RSU1: variants seen among roughly 807,000 people sequenced by gnomAD.
The protein encoded by RSU1 is Ras suppressor protein 1.
In RSU1, 26 loss-of-function variants were observed where a neutral mutation model predicts 31.1. The ratio of observed to expected loss-of-function variants is 0.84; its 90% CI spans 0.61 to 1.16. The LOEUF (loss-of-function observed/expected upper bound fraction) is 1.16. Among genes scored for constraint, RSU1 ranks in the 50% most tolerant of loss-of-function variants. RSU1 has a pLI of 0.00. For missense variants in RSU1, 320 were observed against 339.1 expected (o/e 0.94, Z 0.44); for synonymous variants, 164 against 136.3 (o/e 1.20, Z -1.41).
At chr10:16,809,993 G>C (rs11254212) in intron 2 of RSU1, among the ~76,000 whole-genome samples, 8,024 of 148,700 alleles carry the variant, frequency 0.054, 529 homozygotes, top group East Asian at 0.29. Context: ...GGCCGGGGGT[G>C]GGGGGGGGAG....
chr10:16,812,171 G>A (rs1838422537), intron 2 of RSU1, among the ~76,000 whole-genome samples: 1 of 152,262 alleles, frequency 6.6e-6, no homozygotes, highest in African/African-American at 2.4e-5. Context: ...GCCGGGCACA[G>A]TGGCTCACGC....
chr10:16,627,341 G>A (rs1834175849), intron 8 of RSU1, among the ~76,000 whole-genome samples: 1 of 152,204 alleles, frequency 6.6e-6, no homozygotes, highest in African/African-American at 2.4e-5. Flanking sequence ...ACAATTACGT[G>A]TAGAGTAGGT....
Position 16,659,205 on chromosome 10 carries a change from T to G in RSU1, c.731+35818A>C, listed in dbSNP as rs1319373857. Among the ~76,000 whole-genome samples, 11 of 152,274 alleles carry G rather than the reference T, an allele frequency of 7.2e-5. No homozygotes were observed. The East Asian group carries it at 2.1e-3, about 29-fold the overall frequency. On this transcript the variant is annotated intron_variant, in intron 8 of 8. Transcript: ENST00000345264. ...TGGTATCCTTTGATAAAGAGAAAGT[T>G]CATTTTAATGTAGTTGAATTTATTA...
chr10:16,747,632 C>T (rs914945918), intron 7 of RSU1, among the ~76,000 whole-genome samples: 1 of 152,192 alleles, frequency 6.6e-6, no homozygotes, highest in African/African-American at 2.4e-5. Flanking sequence ...GCATCTACTC[C>T]CACCAGGATT....
chr10:16,600,284 C>CCAG (rs1833696026), intron 8 of RSU1, among the ~76,000 whole-genome samples: 1 of 152,022 alleles, frequency 6.6e-6, no homozygotes, highest in South Asian at 2.1e-4. Flanking sequence ...AGCTGCCACC[C>CCAG]CAGGAACCCC....
intron 8 of RSU1, among the ~76,000 whole-genome samples, chr10:16,621,867 A>T (rs186729497): frequency 1.3e-3 from 192 of 152,306 alleles, no homozygotes; most frequent in African/African-American, 4.2e-3. Context: ...AACCATATCA[A>T]TGACTATGTA....
At chr10:16,731,158 T>C (rs1251466887) in intron 7 of RSU1, among the ~76,000 whole-genome samples, 1 of 152,186 alleles carries the variant, frequency 6.6e-6, no homozygotes, top group Non-Finnish European at 1.5e-5. Context: ...TATTCTCGTG[T>C]CATTTTATGT....
intron 8 of RSU1, among the ~76,000 whole-genome samples, chr10:16,666,898 A>G (rs1023999216): frequency 5.3e-5 from 8 of 152,154 alleles, no homozygotes; most frequent in African/African-American, 1.2e-4. Flanking sequence ...CTAAAGCAGG[A>G]GAACTGCTTG....
chr10:16,779,039 T>C (rs1588529632), intron 3 of RSU1, among the ~76,000 whole-genome samples: 1 of 152,216 alleles, frequency 6.6e-6, no homozygotes, highest in South Asian at 2.1e-4. Flanking sequence ...TGCCCATTCA[T>C]AGCAAAAAGG....
In RSU1 at chr10:16,716,134, T is replaced by G. The variant is rs997452229; in HGVS notation, c.599-20979A>C. Reference sequence around the variant, plus strand: ...TTGATGAAAATCATCACACAGAGATTATGGAAACTGAAACTATCTCAGAAA... The same window carrying G: ...TTGATGAAAATCATCACACAGAGATGATGGAAACTGAAACTATCTCAGAAA... On this transcript the variant is annotated intron_variant, in intron 7 of 8. Coordinates refer to ENST00000345264, the MANE Select transcript of RSU1 (RefSeq NM_012425.4). Among the ~76,000 whole-genome samples the G allele has an allele frequency of 1.3e-5, 2 of 152,112 alleles. 1 individual carries two copies. Among genetic ancestry groups the G allele is most frequent in the South Asian group, 4.1e-4 (2 of 4,830 alleles).
intron 7 of RSU1, among the ~76,000 whole-genome samples, chr10:16,725,637 G>T (rs1836378370): frequency 6.6e-6 from 1 of 151,716 alleles, no homozygotes; most frequent in Admixed American, 6.6e-5. Flanking sequence ...TCTGTCATGG[G>T]AGGACACAGC....
chr10:16,817,231 G>A (rs1373014256), intron 1 of RSU1, 84 bp downstream of exon 1: 1 of 468,474 alleles, frequency 2.1e-6, no homozygotes, highest in Non-Finnish European at 3.6e-6. Flanking sequence ...CCGGGTGCGG[G>A]GAGGGGATGG....
chr10:16,615,521 G>A (rs547850795), intron 8 of RSU1, among the ~76,000 whole-genome samples: 1 of 152,248 alleles, frequency 6.6e-6, no homozygotes, highest in South Asian at 2.1e-4. Flanking sequence ...ACTCAGCTCT[G>A]GATTAAGTGC....
At chr10:16,614,781 G>A (rs1833947973) in intron 8 of RSU1, among the ~76,000 whole-genome samples, 1 of 152,060 alleles carries the variant, frequency 6.6e-6, no homozygotes, top group South Asian at 2.1e-4. Flanking sequence ...CTAAGGAATA[G>A]ATCACCATGC....
chr10:16,737,106 T>G (rs1836642996), intron 7 of RSU1, among the ~76,000 whole-genome samples: 2 of 151,870 alleles, frequency 1.3e-5, no homozygotes, highest in Non-Finnish European at 2.9e-5. Context: ...AGATATCAAG[T>G]GATCTAACAC....
At chr10:16,675,200 C>CAA (rs4012468) in intron 8 of RSU1, among the ~76,000 whole-genome samples, 42,687 of 94,894 alleles carry the variant, frequency 0.45, 8,378 homozygotes, top group East Asian at 0.71. Flanking sequence ...GACTCTGTCT[C>CAA]AAAAAAAAAA....
chr10:16,708,674 A>G (rs1279805526), intron 7 of RSU1, among the ~76,000 whole-genome samples: 1 of 152,112 alleles, frequency 6.6e-6, no homozygotes, highest in Non-Finnish European at 1.5e-5. Flanking sequence ...TTTAGGTAAT[A>G]TGGCCATCTT....
Position 16,809,252 on chromosome 10 carries a change from C to G in RSU1, c.109+7721G>C, listed in dbSNP as rs562797543. On this transcript the variant is annotated intron_variant, in intron 2 of 8. Coordinates refer to ENST00000345264, the MANE Select transcript of RSU1 (RefSeq NM_012425.4). ...GATTGGAAACATGCTCTGATCAGCA[C>G]TTCTCTATTCAGAGGCCACATGCAA... Among the ~76,000 whole-genome samples the G allele has an allele frequency of 3.3e-5, 5 of 152,324 alleles. No homozygotes were observed. The East Asian group carries it at 9.6e-4, about 29-fold the overall frequency.
At chr10:16,759,215 C>G (rs1420076606) in intron 4 of RSU1, among the ~76,000 whole-genome samples, 2 of 152,066 alleles carry the variant, frequency 1.3e-5, no homozygotes, top group Non-Finnish European at 2.9e-5. Context: ...TTAAAAAAAT[C>G]CAGGCCGAGC....
Sources: allele counts gnomAD v4.1 joint callset (sites outside exome capture counted in the v4.1 genomes callset), GRCh38; gene constraint gnomAD v4.1.1; transcripts MANE v1.5; gene names NCBI Gene and HGNC (gene_info 2026-07-23, HGNC 2026-07-21).